ACTR3C: variants seen among roughly 807,000 people sequenced by gnomAD.
The protein encoded by ACTR3C is actin related protein 3C.
A neutral mutation model predicts 26.3 loss-of-function variants in ACTR3C; 18 were observed. The ratio of observed to expected loss-of-function variants is 0.68; its 90% confidence interval spans 0.47 to 1.01. The LOEUF is 1.01. Among genes scored for constraint, ACTR3C ranks in the 50% least tolerant of loss-of-function variants. The pLI is 0.00. For synonymous variants in ACTR3C, 55 were observed against 94.5 expected, an observed-to-expected ratio of 0.58 and a Z score of 2.42; for missense variants, 184 against 250.7, an observed-to-expected ratio of 0.73 and a Z score of 1.80.
At chr7:150,050,718 A>G in the ACTR3C span, among the ~76,000 whole-genome samples, 3 of 152,094 alleles carry the variant, frequency 2.0e-5, no homozygotes, top group East Asian at 5.8e-4. Flanking sequence ...TTCCTCAAGG[A>G]TGATCCAGAT....
chr7:149,971,987 TC>T, the ACTR3C span, among the ~76,000 whole-genome samples: 1 of 152,228 alleles, frequency 6.6e-6, no homozygotes, highest in African/African-American at 2.4e-5. Context: ...TCCTGCTTTT[TC>T]TTCCTAGGTA....
chr7:149,972,084 G>T, the ACTR3C span, among the ~76,000 whole-genome samples: 2 of 152,150 alleles, frequency 1.3e-5, no homozygotes, highest in African/African-American at 2.4e-5. Flanking sequence ...TTCTCTGAGT[G>T]TCATTTCCTC....
chr7:149,918,182 A>G, the ACTR3C span, among the ~76,000 whole-genome samples: 1 of 151,130 alleles, frequency 6.6e-6, no homozygotes, highest in Admixed American at 6.6e-5. Context: ...TTTTTTCTCT[A>G]TGTTACTTCG....
chr7:150,127,476 A>G, the ACTR3C span, among the ~76,000 whole-genome samples: 1 of 151,880 alleles, frequency 6.6e-6, no homozygotes, highest in Non-Finnish European at 1.5e-5. Context: ...ACCTTTCTAG[A>G]CTTCCATCAG....
the ACTR3C span, among the ~76,000 whole-genome samples, chr7:150,056,229 A>G: frequency 1.5e-4 from 23 of 152,312 alleles, 1 homozygote; most frequent in East Asian, 4.1e-3. Flanking sequence ...GGAGAATGAA[A>G]CCTAACCTGG....
At chr7:149,884,151 G>A in the ACTR3C span, among the ~76,000 whole-genome samples, 13 of 152,208 alleles carry the variant, frequency 8.5e-5, no homozygotes, top group Admixed American at 3.9e-4. Context: ...TGAAGTGAGA[G>A]GCGTGGCTAA....
At chr7:149,993,583 G>A in the ACTR3C span, among the ~76,000 whole-genome samples, 1 of 152,046 alleles carries the variant, frequency 6.6e-6, no homozygotes, top group African/African-American at 2.4e-5. Context: ...GAAGGAAGAG[G>A]CTTGCTGAGT....
At chr7:150,234,432 C>A in the ACTR3C span, among the ~76,000 whole-genome samples, 1 of 152,110 alleles carries the variant, frequency 6.6e-6, no homozygotes, top group Non-Finnish European at 1.5e-5. Flanking sequence ...CTTCCATGCG[C>A]CCCACATGAC....
At chr7:150,039,549 C>T in the ACTR3C span, among the ~76,000 whole-genome samples, 1 of 105,242 alleles carries the variant, frequency 9.5e-6, no homozygotes, top group East Asian at 3.7e-4. Context: ...TCCCCAGAGC[C>T]AGGGGGGGAA....
chr7:150,289,816 T>C (rs1836089833), intron 3 of ACTR3C, among the ~76,000 whole-genome samples: 1 of 150,270 alleles, frequency 6.7e-6, no homozygotes, highest in East Asian at 1.9e-4. Context: ...TCCAATAACC[T>C]GACACTCTCC....
the ACTR3C span, among the ~76,000 whole-genome samples, chr7:150,103,206 G>A: frequency 5.3e-5 from 8 of 152,032 alleles, no homozygotes; most frequent in African/African-American, 1.9e-4. Flanking sequence ...GCTTACAGCA[G>A]GTGCTCAATA....
At chr7:149,920,748 C>T in the ACTR3C span, among the ~76,000 whole-genome samples, 46 of 147,628 alleles carry the variant, frequency 3.1e-4, no homozygotes, top group African/African-American at 8.7e-4. Flanking sequence ...GTGTAGTATT[C>T]TTTTATCTTT....
the ACTR3C span, among the ~76,000 whole-genome samples, chr7:150,153,165 A>T: frequency 6.6e-6 from 1 of 152,224 alleles, no homozygotes; most frequent in Non-Finnish European, 1.5e-5. Context: ...GGCATGGGCG[A>T]GGACTTCATG....
chr7:150,286,226 C>T, intron 5 of ACTR3C, 141 bp downstream of exon 5: 1 of 1,195,772 alleles, frequency 8.4e-7, no homozygotes, highest in East Asian at 2.5e-5. Context: ...GTCAAGCAGA[C>T]AAACTGCATG....
the ACTR3C span, among the ~76,000 whole-genome samples, chr7:149,990,049 T>G: frequency 6.6e-6 from 1 of 152,092 alleles, no homozygotes; most frequent in African/African-American, 2.4e-5. Context: ...CGGAGGCCCC[T>G]GATCTGAACC....
the ACTR3C span, chr7:149,892,487 A>C: frequency 7.8e-7 from 1 of 1,274,596 alleles, no homozygotes; most frequent in Non-Finnish European, 1.0e-6. Flanking sequence ...TATACACACA[A>C]GTAAATTTTC....
At chr7:150,287,005 T>A (rs1156294619) in intron 4 of ACTR3C, among the ~76,000 whole-genome samples, 1 of 152,194 alleles carries the variant, frequency 6.6e-6, no homozygotes, top group Non-Finnish European at 1.5e-5. Flanking sequence ...GGGTCCCATT[T>A]GGGTCCCAGC....
the ACTR3C span, among the ~76,000 whole-genome samples, chr7:149,894,325 A>G: frequency 6.6e-6 from 1 of 152,128 alleles, no homozygotes; most frequent in Admixed American, 6.5e-5. Flanking sequence ...GCTTTATGAC[A>G]TTGGTCTGGG....
At chr7:150,165,856 G>A in the ACTR3C span, among the ~76,000 whole-genome samples, 13 of 151,298 alleles carry the variant, frequency 8.6e-5, no homozygotes, top group African/African-American at 2.0e-4. Context: ...AATGAGGAAC[G>A]TGGAGCATGT....
Sources: gnomAD v4.1 joint callset for allele counts (sites outside exome capture counted in the v4.1 genomes callset) on GRCh38, gnomAD v4.1.1 for gene constraint, MANE v1.5 for transcripts, NCBI Gene and HGNC (gene_info 2026-07-23, HGNC 2026-07-21) for gene names.